The following COL25A1 variants were observed in gnomAD, a reference collection of about 807,000 sequenced individuals.
COL25A1 encodes collagen alpha-1(XXV) chain.
COL25A1 carries 103 observed loss-of-function variants against 128.4 expected under a neutral mutation model. That is an observed-to-expected ratio of 0.80 (90% confidence interval 0.68 to 0.94). The LOEUF (loss-of-function observed/expected upper bound fraction) is 0.94. COL25A1 is among the 40% of genes least tolerant of loss of function. The probability of loss-of-function intolerance (pLI) is 0.00; values close to 1 mark genes in which losing one functional copy is unlikely to be tolerated. For synonymous variants in COL25A1, 279 were observed against 277.2 expected, an observed-to-expected ratio of 1.01 and a Z score of -0.06; for missense variants, 745 against 840.0, an observed-to-expected ratio of 0.89 and a Z score of 1.40.
At chr4:109,062,434 A>G (rs1360120371) in intron 3 of COL25A1, among the ~76,000 whole-genome samples, 1 of 152,230 alleles carries the variant, frequency 6.6e-6, no homozygotes, top group Non-Finnish European at 1.5e-5. Context: ...CAAGGAAAAA[A>G]TTAACTGTAG....
rs568986621 is a variant in COL25A1 at position 109,084,013 on chromosome 4, AAGGAATAATCCACTACAC to A, written c.368-33852_368-33835del. ...TAGCATTTTGTTTTGTTTTAAGAAA[AAGGAATAATCCACTACAC>A]AAGACTCATTTTGTGTCACAAACTC... is the stretch of plus-strand genomic sequence containing the variant. On this transcript the variant is annotated intron_variant, in intron 3 of 37. Coordinates refer to ENST00000399132, the MANE Select transcript of COL25A1 (RefSeq NM_198721.4). Among the ~76,000 whole-genome samples the A allele has an allele frequency of 5.3e-4, 81 of 152,342 alleles. 1 individual carries two copies. The highest frequency in any genetic ancestry group is 1.9e-3 in the African/African-American group (78 of 41,576).
chr4:109,087,179 C>T (rs945982616), intron 3 of COL25A1, among the ~76,000 whole-genome samples: 1 of 152,138 alleles, frequency 6.6e-6, no homozygotes, highest in East Asian at 1.9e-4. Flanking sequence ...CATGGCTGGA[C>T]CCCAGCCCTC....
chr4:109,265,801 T>C (rs1162688545), intron 3 of COL25A1, among the ~76,000 whole-genome samples: 1 of 152,154 alleles, frequency 6.6e-6, no homozygotes, highest in Non-Finnish European at 1.5e-5. Flanking sequence ...ATTAAGAGGA[T>C]AAGCACTCAG....
chr4:109,186,023 ATCTT>A (rs1446910693), intron 3 of COL25A1, among the ~76,000 whole-genome samples: 6 of 152,362 alleles, frequency 3.9e-5, no homozygotes, highest in Non-Finnish European at 7.3e-5. Context: ...CTAATTTAAA[ATCTT>A]TCTATCATTT....
intron 3 of COL25A1, among the ~76,000 whole-genome samples, chr4:109,094,107 T>C (rs1467310768): frequency 1.3e-5 from 2 of 152,208 alleles, no homozygotes; most frequent in Non-Finnish European, 2.9e-5. Context: ...AATGATAAGT[T>C]TGTCTTCCAA....
chr4:109,206,760 C>G (rs1777029226), intron 3 of COL25A1, among the ~76,000 whole-genome samples: 1 of 152,114 alleles, frequency 6.6e-6, no homozygotes, highest in African/African-American at 2.4e-5. Flanking sequence ...CCATTTCAGT[C>G]AACTTCAAAT....
intron 3 of COL25A1, among the ~76,000 whole-genome samples, chr4:109,151,239 T>C (rs1460738397): frequency 6.6e-6 from 1 of 152,134 alleles, no homozygotes; most frequent in African/African-American, 2.4e-5. Context: ...AGAGACTGTT[T>C]CTATCCTGCT....
At chr4:108,879,847 C>T (rs961162912) in intron 19 of COL25A1, among the ~76,000 whole-genome samples, 5 of 150,814 alleles carry the variant, frequency 3.3e-5, no homozygotes, top group South Asian at 2.1e-4. Flanking sequence ...CTTGCTCCAT[C>T]GCCCAGGCTG....
Position 108,963,670 on chromosome 4 carries a change from T to C in COL25A1, c.492+10697A>G, listed in dbSNP as rs188694270. ...ACAAAGAATAAAACCTTCCGTATAG[T>C]TTCATGTTTGAGAGAGGATTATTAA... On this transcript the variant is annotated intron_variant, in intron 8 of 37. Coordinates refer to ENST00000399132, the MANE Select transcript of COL25A1 (RefSeq NM_198721.4). 6.6e-5 allele frequency among the ~76,000 whole-genome samples: 10 copies of C among 152,152 alleles called. No homozygotes were observed. In the East Asian group the frequency reaches 1.5e-3, roughly 23 times the overall value.
chr4:108,975,882 CTATTATA>C (rs1278572694), intron 6 of COL25A1, among the ~76,000 whole-genome samples: 5 of 152,022 alleles, frequency 3.3e-5, no homozygotes, highest in Non-Finnish European at 4.4e-5. Context: ...AGTTCTTTAT[CTATTATA>C]TATTATATAT....
At chr4:108,888,134 G>A (rs1430003942) in intron 18 of COL25A1, among the ~76,000 whole-genome samples, 1 of 152,056 alleles carries the variant, frequency 6.6e-6, no homozygotes, top group East Asian at 1.9e-4. Flanking sequence ...TCTTAGTTTT[G>A]AGAGAAAAAT....
chr4:109,248,025 A>G (rs1780392478), intron 3 of COL25A1, among the ~76,000 whole-genome samples: 1 of 152,242 alleles, frequency 6.6e-6, no homozygotes, highest in South Asian at 2.1e-4. Flanking sequence ...AGTTGAAAAG[A>G]CCTGAGAAAA....
intron 3 of COL25A1, among the ~76,000 whole-genome samples, chr4:109,116,903 C>A (rs1030154805): frequency 2.0e-5 from 3 of 151,760 alleles, no homozygotes; most frequent in African/African-American, 7.3e-5. Flanking sequence ...CAGGACATGG[C>A]TGAGGAGAAG....
At chr4:108,974,427 C>T (rs371784067) in intron 7 of COL25A1, 34 bp from the exon 8 acceptor site, 3 of 1,613,056 alleles carry the variant, frequency 1.9e-6, no homozygotes, top group African/African-American at 2.7e-5. Context: ...ACAGTTTTAG[C>T]CAAAATTTAT....
chr4:109,192,687 A>G lies in COL25A1; in HGVS notation c.367+107896T>C, dbSNP rs567651253. Among the ~76,000 whole-genome samples the G allele has an allele frequency of 4.6e-5, 7 of 152,174 alleles. No homozygotes were observed. In the East Asian group the frequency reaches 9.7e-4, roughly 21 times the overall value. On this transcript the variant is annotated intron_variant, in intron 3 of 37. Transcript: ENST00000399132. Reference sequence around the variant, plus strand: ...GCTAACACGGTGAAACCCTGTCTCTATTAAAATTACAAAAAAATTAGCCAG... The same window carrying G: ...GCTAACACGGTGAAACCCTGTCTCTGTTAAAATTACAAAAAAATTAGCCAG...
At chr4:108,926,003 A>C (rs2125907819) in intron 11 of COL25A1, among the ~76,000 whole-genome samples, 1 of 152,352 alleles carries the variant, frequency 6.6e-6, no homozygotes, top group South Asian at 2.1e-4. Flanking sequence ...TGTTAAGAAA[A>C]GAATGACTCT....
intron 3 of COL25A1, among the ~76,000 whole-genome samples, chr4:109,239,763 A>G (rs2126229901): frequency 6.6e-6 from 1 of 152,152 alleles, no homozygotes; most frequent in Non-Finnish European, 1.5e-5. Context: ...AATTAAGCTT[A>G]GCTATTTACT....
At chr4:109,005,190 A>G (rs1419916900) in intron 6 of COL25A1, among the ~76,000 whole-genome samples, 1 of 152,188 alleles carries the variant, frequency 6.6e-6, no homozygotes, top group Non-Finnish European at 1.5e-5. Flanking sequence ...GGGAGCCAGC[A>G]CTTCACAAGG....
chr4:109,260,382 A>G (rs1348339470), intron 3 of COL25A1, among the ~76,000 whole-genome samples: 2 of 152,232 alleles, frequency 1.3e-5, no homozygotes, highest in African/African-American at 2.4e-5. Flanking sequence ...AACAGGAAAT[A>G]AACATCTCTA....
Sources: gnomAD v4.1 joint callset for allele counts (sites outside exome capture counted in the v4.1 genomes callset) on GRCh38, gnomAD v4.1.1 for gene constraint, MANE v1.5 for transcripts, NCBI Gene and HGNC (gene_info 2026-07-23, HGNC 2026-07-21) for gene names.